Variants in MECOM observed in about 807,000 individuals in gnomAD.
The protein encoded by MECOM is MDS1 and EVI1 complex locus.
A neutral mutation model predicts 116.3 loss-of-function variants in MECOM; 13 were observed. The observed-to-expected ratio is 0.11, with a 90% CI of 0.07 to 0.18. The LOEUF (loss-of-function observed/expected upper bound fraction) is 0.18. Ranked by LOEUF, MECOM falls within the 10% of genes least tolerant of loss-of-function variation. The pLI is 1.00. For missense variants in MECOM, 1,299 were observed against 1,509.0 expected, an observed-to-expected ratio of 0.86 and a Z score of 2.31; for synonymous variants, 528 against 535.2, an observed-to-expected ratio of 0.99 and a Z score of 0.19.
intron 1 of MECOM, among the ~76,000 whole-genome samples, chr3:169,446,252 C>T (rs977841419): frequency 2.0e-5 from 3 of 152,072 alleles, no homozygotes; most frequent in Admixed American, 1.3e-4. Context: ...AGAATTCCCA[C>T]GTGTTGTGGG....
chr3:169,633,128 T>A (rs552785043), intron 1 of MECOM, among the ~76,000 whole-genome samples: 10 of 152,260 alleles, frequency 6.6e-5, no homozygotes, highest in African/African-American at 2.4e-4. Flanking sequence ...TTTTTTTTTT[T>A]AATCACAAAA....
At chr3:169,453,690 A>G (rs1470439495) in intron 1 of MECOM, among the ~76,000 whole-genome samples, 1 of 152,212 alleles carries the variant, frequency 6.6e-6, no homozygotes, top group Non-Finnish European at 1.5e-5. Flanking sequence ...AGGACACTGC[A>G]GCTGTCTCTA....
chr3:169,146,707 T>C, intron 2 of MECOM: 1 of 1,252,956 alleles, frequency 8.0e-7, no homozygotes, highest in Non-Finnish European at 1.0e-6. Context: ...CCTTTTAAAG[T>C]GAGGAGTTCT....
chr3:169,285,789 A>G (rs549316244), intron 2 of MECOM, among the ~76,000 whole-genome samples: 76 of 152,290 alleles, frequency 5.0e-4, no homozygotes, highest in African/African-American at 1.7e-3. Context: ...AGCATGTGCT[A>G]TGGTGTTTCC....
intron 16 of MECOM, among the ~76,000 whole-genome samples, chr3:169,087,634 T>C (rs1294557917): frequency 4.6e-5 from 7 of 151,794 alleles, no homozygotes; most frequent in Admixed American, 4.6e-4. Context: ...CCAAAAACCT[T>C]GATACTCAAG....
At chr3:169,301,831 A>G (rs1196748436) in intron 2 of MECOM, among the ~76,000 whole-genome samples, 1 of 152,182 alleles carries the variant, frequency 6.6e-6, no homozygotes, top group Non-Finnish European at 1.5e-5. Context: ...ATTCTGTAAA[A>G]TTTATAAACC....
intron 2 of MECOM, among the ~76,000 whole-genome samples, chr3:169,188,065 A>G (rs1747004414): frequency 6.6e-6 from 1 of 152,114 alleles, no homozygotes; most frequent in South Asian, 2.1e-4. Flanking sequence ...AAATGAAGGG[A>G]TCTACTTAGA....
chr3:169,115,254 T>C, intron 8 of MECOM, 129 bp downstream of exon 8: 1 of 998,500 alleles, frequency 1.0e-6, no homozygotes. Flanking sequence ...ATGAGTTCAC[T>C]AGATCAAACA....
At chr3:169,369,747 C>A (rs1045355351) in intron 2 of MECOM, among the ~76,000 whole-genome samples, 1 of 151,908 alleles carries the variant, frequency 6.6e-6, no homozygotes, top group Admixed American at 6.6e-5. Flanking sequence ...ATCTTCACTT[C>A]TCTTGGCATT....
chr3:169,112,994 C>T, intron 8 of MECOM, 120 bp from the exon 9 acceptor site: 2 of 677,912 alleles, frequency 3.0e-6, no homozygotes, highest in Admixed American at 5.6e-5. Flanking sequence ...GAAGCGCACT[C>T]ATAAAACTAT....
rs576584209 is a variant in MECOM, at chr3:169,248,610, A to C, written c.376-104778T>G. Among the ~76,000 whole-genome samples the C allele has an allele frequency of 2.6e-5, 4 of 152,244 alleles. No homozygotes were observed. In the East Asian group the frequency reaches 7.7e-4, roughly 29 times the overall value. ...CCCAAGATTATGTCCTCATATATTA[A>C]AGCCCTAACACCCAATGCCTGAGAA... is the stretch of plus-strand genomic sequence containing the variant. On this transcript the variant is annotated intron_variant, in intron 2 of 16. Coordinates refer to ENST00000651503, the MANE Select transcript of MECOM (RefSeq NM_004991.4).
intron 2 of MECOM, among the ~76,000 whole-genome samples, chr3:169,334,570 G>A (rs560944699): frequency 2.0e-5 from 3 of 148,922 alleles, no homozygotes; most frequent in Non-Finnish European, 4.5e-5. Flanking sequence ...GGTTGATGAG[G>A]AGAAGGTCAT....
chr3:169,561,334 C>T (rs1576884903), intron 1 of MECOM, among the ~76,000 whole-genome samples: 2 of 152,080 alleles, frequency 1.3e-5, no homozygotes, highest in South Asian at 2.1e-4. Context: ...AAATGACATG[C>T]ATTTCTAGCA....
chr3:169,275,337 A>AT, intron 2 of MECOM, among the ~76,000 whole-genome samples: 1 of 152,248 alleles, frequency 6.6e-6, no homozygotes, highest in South Asian at 2.1e-4. Flanking sequence ...CCAACTATAC[A>AT]TTTTCTATCC....
intron 1 of MECOM, among the ~76,000 whole-genome samples, chr3:169,498,588 C>G (rs74593396): frequency 0.029 from 4,434 of 152,296 alleles, 80 homozygotes; most frequent in African/African-American, 0.049. Context: ...AGCCTCTGAA[C>G]AGAAGGCTGT....
chr3:169,321,448 G>A (rs914653756), intron 2 of MECOM, among the ~76,000 whole-genome samples: 1 of 152,128 alleles, frequency 6.6e-6, no homozygotes, highest in Non-Finnish European at 1.5e-5. Flanking sequence ...GCTGAGGCAG[G>A]AGAATCACTT....
At chr3:169,101,897 AT>A (rs1450734487) in intron 11 of MECOM, among the ~76,000 whole-genome samples, 162 bp downstream of exon 11, 3 of 152,172 alleles carry the variant, frequency 2.0e-5, no homozygotes, top group African/African-American at 4.8e-5. Context: ...TAAAAACACT[AT>A]TTTTATATTT....
chr3:169,237,547 TA>T (rs1365442193), intron 2 of MECOM, among the ~76,000 whole-genome samples: 1 of 141,286 alleles, frequency 7.1e-6, no homozygotes, highest in Admixed American at 7.7e-5. Context: ...CCCTCCCTAC[TA>T]GAATGCATGC....
intron 1 of MECOM, among the ~76,000 whole-genome samples, chr3:169,413,862 T>C (rs1738040222): frequency 6.6e-6 from 1 of 152,192 alleles, no homozygotes; most frequent in Non-Finnish European, 1.5e-5. Context: ...GCAAGCCATC[T>C]CTGAAAGAAA....
Sources: gnomAD v4.1 joint callset for allele counts (sites outside exome capture counted in the v4.1 genomes callset) on GRCh38, gnomAD v4.1.1 for gene constraint, MANE v1.5 for transcripts, NCBI Gene and HGNC (gene_info 2026-07-23, HGNC 2026-07-21) for gene names.